Variants in JAK1 observed in about 807,000 individuals in gnomAD.
The protein encoded by JAK1 is tyrosine-protein kinase JAK1.
Under a neutral mutation model 136.6 loss-of-function variants are expected in JAK1, and 16 were observed. That is an observed-to-expected ratio of 0.12 (90% CI 0.08 to 0.18). JAK1 has a LOEUF of 0.18. Among genes scored for constraint, JAK1 ranks in the 10% least tolerant of loss-of-function variants. The probability of loss-of-function intolerance (pLI) is 1.00; values close to 1 mark genes in which losing one functional copy is unlikely to be tolerated. For missense variants in JAK1, 859 were observed against 1,450.1 expected (o/e 0.59, Z 6.62); for synonymous variants, 492 against 519.5 (o/e 0.95, Z 0.72).
Position 64,897,489 on chromosome 1 carries a change from G to GGGGGGAGGAGGA in JAK1, c.-77-11149_-77-11148insTCCTCCTCCCCC, listed in dbSNP as rs1645033844. Among the ~76,000 whole-genome samples, 3 of 898 alleles carry GGGGGGAGGAGGA rather than the reference G, an allele frequency of 3.3e-3. 1 individual carries two copies. The highest frequency in any genetic ancestry group is 0.014 in the Non-Finnish European group (3 of 220). 0.6% of individuals were successfully genotyped at this position (898 alleles called of 152,430 possible). ...AGGGAGGAGGAGGGGGGGAGGGGGA[G>GGGGGGAGGAGGA]GGGGGGAGGAGGAGGGGGGAGGGGG... On this transcript the variant is annotated intron_variant, in intron 1 of 24. Coordinates refer to ENST00000342505, the MANE Select transcript of JAK1 (RefSeq NM_002227.4).
intron 1 of JAK1, among the ~76,000 whole-genome samples, chr1:64,890,625 A>AAC (rs1644920757): frequency 6.6e-6 from 1 of 152,224 alleles, no homozygotes; most frequent in Non-Finnish European, 1.5e-5. Flanking sequence ...TTTAAAAACA[A>AAC]ACAACTTTCA....
upstream of JAK1, among the ~76,000 whole-genome samples, chr1:64,969,507 A>C (rs910097000): frequency 6.6e-5 from 10 of 151,970 alleles, no homozygotes; most frequent in African/African-American, 2.4e-4. Context: ...CACCCCACTG[A>C]GAACCACTAG....
chr1:64,931,971 C>T (rs1025018575), intron 1 of JAK1, among the ~76,000 whole-genome samples: 7 of 151,832 alleles, frequency 4.6e-5, no homozygotes, highest in Non-Finnish European at 8.8e-5. Context: ...GGGGGATATT[C>T]AATCAACAAA....
chr1:65,053,281 G>C (rs962476592), intron 1 of JAK1, among the ~76,000 whole-genome samples: 1 of 152,032 alleles, frequency 6.6e-6, no homozygotes, highest in East Asian at 1.9e-4. Flanking sequence ...GGGAGGCGGA[G>C]GTTGCAATGA....
chr1:64,994,966 A>G (rs1233109463), intron 2 of JAK1: 1 of 147,632 alleles, frequency 6.8e-6, no homozygotes. Flanking sequence ...TAAACTGCAA[A>G]AAAAAAAAAA....
intron 1 of JAK1, among the ~76,000 whole-genome samples, chr1:64,910,518 A>T (rs1162411852): frequency 6.6e-6 from 1 of 152,188 alleles, no homozygotes; most frequent in Non-Finnish European, 1.5e-5. Flanking sequence ...ATTACTTTGA[A>T]GAGTTAACGC....
At chr1:64,950,680 C>T (rs1209098160) in intron 1 of JAK1, among the ~76,000 whole-genome samples, 1 of 152,160 alleles carries the variant, frequency 6.6e-6, no homozygotes. Flanking sequence ...AAGGGGTGGA[C>T]CCTAGACAAT....
chr1:64,896,005 C>T lies in JAK1; in HGVS notation c.-77-9664G>A, dbSNP rs552261382. Among the ~76,000 whole-genome samples, 10 of 152,298 alleles carry T rather than the reference C, an allele frequency of 6.6e-5. No individual in the cohort carries two copies. In the South Asian group the frequency reaches 2.1e-3, roughly 32 times the overall value. On this transcript the variant is annotated intron_variant, in intron 1 of 24. Transcript: ENST00000342505. ...GCATGCCTGTCAATGGGGAACTACT[C>T]GGGAACGGGGAAGCTATCCAAGTCT...
At chr1:64,880,958 CAAATAAAT>C (rs34595652) in intron 3 of JAK1, among the ~76,000 whole-genome samples, 2 of 151,696 alleles carry the variant, frequency 1.3e-5, no homozygotes, top group Non-Finnish European at 2.9e-5. Flanking sequence ...AACAAACAAA[CAAATAAAT>C]AAATAAATAA....
chr1:64,897,989 C>G lies in JAK1; in HGVS notation c.-77-11648G>C, dbSNP rs114587258. Among the ~76,000 whole-genome samples, 470 of 152,244 alleles carry G rather than the reference C, an allele frequency of 3.1e-3. 2 individuals carry two copies. Among genetic ancestry groups the G allele is most frequent in the African/African-American group, 0.011 (441 of 41,544 alleles). On this transcript the variant is annotated intron_variant, in intron 1 of 24. Transcript: ENST00000342505. Reference sequence around the variant, plus strand: ...ATAAAATTTAACTGAGCAAACAGTTCAAATACTGCTATGGGTAAGAGCTAA... The same window carrying G: ...ATAAAATTTAACTGAGCAAACAGTTGAAATACTGCTATGGGTAAGAGCTAA...
chr1:64,974,362 C>T (rs1204310062), intron 2 of JAK1: 1 of 152,196 alleles, frequency 6.6e-6, no homozygotes, highest in East Asian at 1.9e-4. Context: ...AATTTCAGCT[C>T]AGCTCTGCCA....
chr1:64,834,999 TACACAGTC>T (rs1189554035), intron 24 of JAK1, among the ~76,000 whole-genome samples: 2 of 152,234 alleles, frequency 1.3e-5, no homozygotes, highest in African/African-American at 4.8e-5. Context: ...CAGTGTGTCT[TACACAGTC>T]TCAAGAGTTT....
At chr1:64,968,983 GC>G (rs1646426135), upstream of JAK1, among the ~76,000 whole-genome samples, 1 of 149,512 alleles carries the variant, frequency 6.7e-6, no homozygotes, top group African/African-American at 2.5e-5. Context: ...GGTGGCACAT[GC>G]CTGTATTTCC....
At chr1:64,988,158 T>C (rs948501175) in intron 2 of JAK1, among the ~76,000 whole-genome samples, 1 of 152,194 alleles carries the variant, frequency 6.6e-6, no homozygotes, top group Non-Finnish European at 1.5e-5. Flanking sequence ...ATTTACACCA[T>C]GGAAACTGGC....
At chr1:64,907,413 C>T (rs1291258188) in intron 1 of JAK1, among the ~76,000 whole-genome samples, 1 of 152,136 alleles carries the variant, frequency 6.6e-6, no homozygotes, top group African/African-American at 2.4e-5. Flanking sequence ...AGAAAAAGTG[C>T]TGGACCCGTT....
chr1:64,894,642 T>C (rs909359894), intron 1 of JAK1, among the ~76,000 whole-genome samples: 13 of 151,820 alleles, frequency 8.6e-5, no homozygotes, highest in African/African-American at 2.9e-4. Flanking sequence ...CCGGGCGTGG[T>C]GGTGGGTGCC....
chr1:64,957,357 G>A (rs981752348), intron 1 of JAK1, among the ~76,000 whole-genome samples: 1 of 152,200 alleles, frequency 6.6e-6, no homozygotes, highest in African/African-American at 2.4e-5. Context: ...TGCTTGACCA[G>A]GTTCCTTCCT....
intron 2 of JAK1, among the ~76,000 whole-genome samples, chr1:65,040,498 A>T (rs1304402754): frequency 1.3e-5 from 2 of 152,136 alleles, no homozygotes; most frequent in Admixed American, 6.6e-5. Flanking sequence ...AATCGGGATG[A>T]GCAACCTTCA....
At chr1:64,884,741 C>T (rs938083563) in intron 2 of JAK1, among the ~76,000 whole-genome samples, 1 of 152,180 alleles carries the variant, frequency 6.6e-6, no homozygotes, top group African/African-American at 2.4e-5. Flanking sequence ...GCTCAGATAT[C>T]GCCTCCTGCA....
Sources: gnomAD v4.1 joint callset for allele counts (sites outside exome capture counted in the v4.1 genomes callset) on GRCh38, gnomAD v4.1.1 for gene constraint, MANE v1.5 for transcripts, NCBI Gene and HGNC (gene_info 2026-07-23, HGNC 2026-07-21) for gene names.